The following MYH2 variants were observed in gnomAD, a reference collection of about 807,000 sequenced individuals.
MYH2 encodes myosin heavy chain 2.
In MYH2, 139 loss-of-function variants were observed where a neutral mutation model predicts 228.1. The ratio of observed to expected loss-of-function variants is 0.61; its 90% CI spans 0.53 to 0.70. MYH2 has a LOEUF of 0.70. Ranked by LOEUF, MYH2 falls within the 30% of genes least tolerant of loss-of-function variation. The pLI is 0.00. For missense variants in MYH2, 1,809 were observed against 2,357.5 expected, an observed-to-expected ratio of 0.77 and a Z score of 4.82; for synonymous variants, 796 against 871.1, an observed-to-expected ratio of 0.91 and a Z score of 1.52.
intron 28 of MYH2, 94 bp from the exon 29 acceptor site, chr17:10,527,150 A>T: frequency 8.9e-7 from 1 of 1,121,606 alleles, no homozygotes; most frequent in Non-Finnish European, 1.4e-6. Context: ...ATTTTCCCAA[A>T]TTGAGTGCTC....
Position 10,525,140 on chromosome 17 carries a change from G to A in MYH2, c.4663-75C>T. The A allele has an allele frequency of 6.2e-7, 1 of 1,613,800 alleles. No individual in the cohort carries two copies. Among genetic ancestry groups the A allele is most frequent in the Non-Finnish European group, 8.5e-7 (1 of 1,179,874 alleles). On this transcript the variant is annotated intron_variant, in intron 33 of 39. Coordinates refer to ENST00000245503, the MANE Select transcript of MYH2 (RefSeq NM_017534.6). The surrounding 1 kb of genome is among the most constrained non-coding windows in gnomAD (Gnocchi z 4.2). The stretch of plus-strand genomic sequence containing the variant: ...AGTTTTTCTGCACAGCAATAATTTT[G>A]TGCTATGTGTCTTTTTATTCACTCT...
chr17:10,546,732 C>A (rs112122927), intron 4 of MYH2, among the ~76,000 whole-genome samples: 332 of 150,202 alleles, frequency 2.2e-3, no homozygotes, highest in African/African-American at 7.9e-3. Context: ...CACACAGATA[C>A]AAATTGCTGT....
chr17:10,544,861 C>A (rs1036187087), intron 5 of MYH2, among the ~76,000 whole-genome samples: 1 of 152,012 alleles, frequency 6.6e-6, no homozygotes, highest in African/African-American at 2.4e-5. Context: ...GGGCAAAGGG[C>A]GATAGCATTG....
At position 10,528,635 on chromosome 17, in the gene MYH2, ATG is replaced by A; in HGVS notation, c.3744+53_3744+54del. 3.1e-6 allele frequency: 5 copies of A among 1,613,218 alleles called. No homozygotes were observed. In the Admixed American group the frequency reaches 8.3e-5, roughly 27 times the overall value. On this transcript the variant is annotated intron_variant, in intron 27 of 39. Transcript: ENST00000245503. ...GTGTAAAAAGTGCCCTGTGCAAACT[ATG>A]ATGTGTCCATAATGCATTATTTTCA...
In MYH2 at chr17:10,531,840, G is replaced by T; in HGVS notation, c.2490C>A (p.Val830=). 1.2e-6 allele frequency: 2 copies of T among 1,614,112 alleles called. No individual in the cohort carries two copies. The highest frequency in any genetic ancestry group is 2.2e-5 in the South Asian group (2 of 91,076). The part of the protein sequence containing the change: ...IQYNIRSFMN[V]KHWPWMKLFF... ...AGAGTTTCATCCAGGGCCAGTGCTT[G>T]ACATTCATGAAGGATCTGATATTGT... Residue 830 remains valine, a synonymous_variant, in exon 22 of 40, where the codon GTC becomes GTA. Transcript: ENST00000245503.
chr17:10,536,787 C>T (rs1416493508), intron 16 of MYH2, among the ~76,000 whole-genome samples, 181 bp from the exon 17 acceptor site: 1 of 152,142 alleles, frequency 6.6e-6, no homozygotes. Context: ...GATTCTTTCT[C>T]CAGTGGGAAA....
At chr17:10,540,742 C>T in intron 10 of MYH2, 45 bp from the exon 11 acceptor site, 1 of 1,479,592 alleles carries the variant, frequency 6.8e-7, no homozygotes, top group Non-Finnish European at 9.4e-7. Flanking sequence ...TTATCTTCTT[C>T]ATTAAAACAA....
At chr17:10,533,053 C>G (rs947819451) in intron 21 of MYH2, among the ~76,000 whole-genome samples, 1 of 152,128 alleles carries the variant, frequency 6.6e-6, no homozygotes, top group African/African-American at 2.4e-5. Flanking sequence ...TGTATTTTAT[C>G]TTATTAGATA....
chr17:10,539,171 G>A (rs759412555), intron 14 of MYH2, 34 bp downstream of exon 14: 2 of 1,613,738 alleles, frequency 1.2e-6, no homozygotes, highest in Middle Eastern at 1.7e-4. Context: ...TTGCCTTACT[G>A]TAAAATCCTC....
intron 22 of MYH2, among the ~76,000 whole-genome samples, 162 bp downstream of exon 22, chr17:10,531,471 G>C (rs2073422666): frequency 6.6e-6 from 1 of 152,138 alleles, no homozygotes; most frequent in Non-Finnish European, 1.5e-5. Flanking sequence ...GGGTTATTGG[G>C]CAATGGAGGA....
Position 10,547,701 on chromosome 17 carries a change from C to T in MYH2, c.204+16G>A. 1 of 1,614,164 alleles carries T rather than the reference C, an allele frequency of 6.2e-7. No homozygotes were observed. Among genetic ancestry groups the T allele is most frequent in the South Asian group, 1.1e-5 (1 of 91,080 alleles). ...AAAATCAATAAAATGTGGCAAGCTC[C>T]TGGGATTCTACTCACCGCTCCTCCC... On this transcript the variant is annotated intron_variant, in intron 3 of 39. Transcript: ENST00000245503.
chr17:10,541,996 G>A (rs187766407), intron 10 of MYH2, among the ~76,000 whole-genome samples: 7 of 152,150 alleles, frequency 4.6e-5, no homozygotes, highest in East Asian at 1.9e-4. Flanking sequence ...TAAAATGGCC[G>A]GGCACAGTGT....
At chr17:10,539,397 A>G (rs2142313304) in intron 13 of MYH2, 43 bp from the exon 14 acceptor site, 4 of 1,614,184 alleles carry the variant, frequency 2.5e-6, no homozygotes, top group South Asian at 1.1e-5. Context: ...TTAAAGGCCT[A>G]TGAAAATGCT....
intron 6 of MYH2, 28 bp downstream of exon 6, chr17:10,544,072 A>G (rs1161942104): frequency 1.2e-6 from 2 of 1,614,102 alleles, no homozygotes; most frequent in Non-Finnish European, 8.5e-7. Context: ...TATCACAGCC[A>G]TGTAAAGAAA....
intron 8 of MYH2, 102 bp downstream of exon 8, chr17:10,543,609 T>A: frequency 6.7e-7 from 1 of 1,495,536 alleles, no homozygotes; most frequent in Non-Finnish European, 9.3e-7. Flanking sequence ...AGAACAATGA[T>A]GTAATAGAAT....
Position 10,525,222 on chromosome 17 carries a change from A to G in MYH2, c.4662+2T>C. On this transcript the variant is annotated splice_donor_variant, in intron 33 of 39. Coordinates refer to ENST00000245503, the MANE Select transcript of MYH2 (RefSeq NM_017534.6). LOFTEE classifies it high-confidence loss of function. The surrounding 1 kb of genome is among the most constrained non-coding windows in gnomAD (Gnocchi z 4.2). ...TTTTATAATGCACAATTTTACATGT[A>G]CCTCTGCTTCTTCTAAAGCAGCCTG... 1 of 1,614,108 alleles carries G rather than the reference A, an allele frequency of 6.2e-7. No individual in the cohort carries two copies. Among genetic ancestry groups the G allele is most frequent in the Non-Finnish European group, 8.5e-7 (1 of 1,180,020 alleles).
At chr17:10,534,931 C>T (rs1388632499) in intron 19 of MYH2, 142 bp downstream of exon 19, 13 of 1,077,630 alleles carry the variant, frequency 1.2e-5, no homozygotes, top group East Asian at 4.8e-5. Flanking sequence ...CAAAAGTGTT[C>T]GAGACTTGAG....
rs1230475296 is a variant in MYH2 at position 10,531,798 on chromosome 17, A to T, written c.2532T>A (p.Pro844=). The T allele has an allele frequency of 6.2e-7, 1 of 1,614,110 alleles. No homozygotes were observed. The highest frequency in any genetic ancestry group is 1.1e-5 in the South Asian group (1 of 91,082). The change falls in exon 22 of 40, where the codon CCT becomes CCA. Residue 844 remains proline (P), a synonymous_variant. Transcript: ENST00000245503. The part of the protein sequence containing the change: ...PWMKLFFKIK[P]LLKSAETEKE... ...TCTCAGTTTCTGCACTCTTCAACAG[A>T]GGCTTGATCTTGAAGAAGAGTTTCA...
Position 10,534,983 on chromosome 17 carries a change from G to A in MYH2, c.2180+90C>T, listed in dbSNP as rs1224396171. ...CTTCTTTTTGTGACAAAACTAACAA[G>A]TAGAGGCATATGTTTCACTAAATTG... On this transcript the variant is annotated intron_variant, in intron 19 of 39. Transcript: ENST00000245503. 43 of 1,396,182 alleles carry A rather than the reference G, an allele frequency of 3.1e-5. No homozygotes were observed. The South Asian group carries it at 5.0e-4, about 16-fold the overall frequency. The allele number at this position is 1,396,182 out of a possible 1,614,324, so 86.5% of individuals were successfully genotyped here. A position where few individuals can be genotyped will look rare whatever the true frequency, so the allele number is the denominator to read the frequency against.
Sources: allele counts gnomAD v4.1 joint callset (sites outside exome capture counted in the v4.1 genomes callset), GRCh38; gene constraint gnomAD v4.1.1; non-coding constraint Gnocchi (gnomAD v3.1); transcripts MANE v1.5; gene names NCBI Gene and HGNC (gene_info 2026-07-23, HGNC 2026-07-21).